WASHC2A: variants seen among roughly 807,000 people sequenced by gnomAD.
WASHC2A encodes the protein WASH complex subunit 2A, also known as WASH complex subunit FAM21A.
Under a neutral mutation model 140.3 loss-of-function variants are expected in WASHC2A, and 82 were observed. The ratio of observed to expected loss-of-function variants is 0.58; its 90% CI spans 0.49 to 0.70. The LOEUF (loss-of-function observed/expected upper bound fraction) is 0.70. WASHC2A is among the 30% of genes least tolerant of loss of function. The pLI, the probability that WASHC2A is intolerant of heterozygous loss-of-function variation, is 0.00. For missense variants in WASHC2A, 985 were observed against 1,521.8 expected, an observed-to-expected ratio of 0.65 and a Z score of 5.87; for synonymous variants, 340 against 560.8, an observed-to-expected ratio of 0.61 and a Z score of 5.56.
Position 50,095,683 on chromosome 10 carries a change from C to G in WASHC2A, c.1325C>G (p.Pro442Arg). 3 of 1,611,570 alleles carry G rather than the reference C, an allele frequency of 1.9e-6. No homozygotes were observed. Among genetic ancestry groups the G allele is most frequent in the Non-Finnish European group, 1.7e-6 (2 of 1,179,744 alleles). Residue 442 changes from proline to arginine, a missense_variant, in exon 15 of 31, where the codon CCC becomes CGC. Physicochemically the swap from Pro to Arg is moderately radical, Grantham distance 103 (BLOSUM62 -2). Transcript: ENST00000282633. ...GAGCAGCCCACTCCAAGGAAAAGCC[C>G]CTATGGTCCCCCTCCCACTGGCCTC... ...KPEQPTPRKS[P>R]YGPPPTGLFD...
In WASHC2A at chr10:50,104,726, A is replaced by G. The variant is rs1461870863; in HGVS notation, c.1737+583A>G. Among the ~76,000 whole-genome samples, 7 of 151,434 alleles carry G rather than the reference A, an allele frequency of 4.6e-5. No homozygotes were observed. In the East Asian group the frequency reaches 7.7e-4, roughly 17 times the overall value. Reference sequence around the variant, plus strand: ...TAGAAATCTGCCTTTGAGAAATACAATTGACCCTTTAACAGTGTGGAGGTT... The same window carrying G: ...TAGAAATCTGCCTTTGAGAAATACAGTTGACCCTTTAACAGTGTGGAGGTT... On this transcript the variant is annotated intron_variant, in intron 18 of 30. Coordinates refer to ENST00000282633, the MANE Select transcript of WASHC2A (RefSeq NM_001005751.3).
At chr10:50,090,032 C>G (rs1839735895) in intron 8 of WASHC2A, among the ~76,000 whole-genome samples, 2 of 150,580 alleles carry the variant, frequency 1.3e-5, no homozygotes, top group South Asian at 4.2e-4. Context: ...ATGGCTTGAA[C>G]CTAGGAGGCG....
chr10:50,071,504 A>G (rs1307336156), intron 3 of WASHC2A, among the ~76,000 whole-genome samples: 9 of 152,006 alleles, frequency 5.9e-5, no homozygotes, highest in African/African-American at 2.2e-4. Flanking sequence ...ACGGGGTTTC[A>G]CCGAGTTAGC....
rs782635415 is a variant in WASHC2A at position 50,126,115 on chromosome 10, A to G, written c.2747A>G (p.Gln916Arg). The change falls in exon 26 of 31, where the codon CAG becomes CGG. Residue 916 changes from glutamine (Q) to arginine (R), a missense_variant. Transcript: ENST00000282633. ...KDHSVDSFKN[Q>R]KHPESIQGSK... Reference sequence around the variant, plus strand: ...CACTCTGTTGACTCTTTCAAAAACCAGAAACATCCTGAATCCATTCAAGGT... The same window carrying G: ...CACTCTGTTGACTCTTTCAAAAACCGGAAACATCCTGAATCCATTCAAGGT... 1.2e-6 allele frequency: 2 copies of G among 1,613,960 alleles called. No individual in the cohort carries two copies. Among genetic ancestry groups the G allele is most frequent in the South Asian group, 2.2e-5 (2 of 91,070 alleles).
intron 3 of WASHC2A, chr10:50,077,984 T>G: frequency 2.4e-6 from 1 of 416,482 alleles, no homozygotes; most frequent in African/African-American, 2.3e-5. Context: ...ATATTGACTT[T>G]TTATAACAAG....
At chr10:50,120,370 C>T (rs1479665470) in intron 23 of WASHC2A, among the ~76,000 whole-genome samples, 49 of 145,284 alleles carry the variant, frequency 3.4e-4, no homozygotes, top group Admixed American at 3.2e-3. Context: ...ACCTGTAATC[C>T]CAGCACTTTA....
intron 19 of WASHC2A, 86 bp downstream of exon 19, chr10:50,106,551 T>A: frequency 6.4e-7 from 1 of 1,560,062 alleles, no homozygotes; most frequent in Non-Finnish European, 8.7e-7. Context: ...TCTACCTGTT[T>A]TATATCTCGT....
intron 7 of WASHC2A, among the ~76,000 whole-genome samples, chr10:50,085,972 C>T (rs1249801297): frequency 4.8e-4 from 72 of 149,942 alleles, no homozygotes; most frequent in African/African-American, 1.5e-3. Flanking sequence ...CAGGATATAC[C>T]GAAAGCCACC....
chr10:50,102,404 C>T (rs1359524646), intron 17 of WASHC2A, among the ~76,000 whole-genome samples: 4 of 151,974 alleles, frequency 2.6e-5, no homozygotes, highest in African/African-American at 9.7e-5. Context: ...AGTTAAGGGT[C>T]CGAAACTGTG....
rs1214316076 is a variant in WASHC2A at position 50,095,129 on chromosome 10, C to T, written c.1181-19C>T. 89 of 1,553,012 alleles carry T rather than the reference C, an allele frequency of 5.7e-5. 1 individual carries two copies. The highest frequency in any genetic ancestry group is 6.8e-5 in the Non-Finnish European group (78 of 1,140,150). ...TTATTTCCCTTGTAAAATGGTTACC[C>T]CTTGCTTTCTCATTCTAGAGTCTTC... On this transcript the variant is annotated intron_variant, in intron 13 of 30. Coordinates refer to ENST00000282633, the MANE Select transcript of WASHC2A (RefSeq NM_001005751.3).
chr10:50,124,868 G>GAATA (rs1843292556), intron 23 of WASHC2A, among the ~76,000 whole-genome samples: 1 of 133,722 alleles, frequency 7.5e-6, no homozygotes. Context: ...TAAAGCTTGT[G>GAATA]CATATATATA....
intron 20 of WASHC2A, 72 bp downstream of exon 20, chr10:50,110,342 C>G: frequency 6.3e-7 from 1 of 1,596,734 alleles, no homozygotes; most frequent in Non-Finnish European, 8.6e-7. Flanking sequence ...GATGCACAAT[C>G]TAGTTCATCG....
intron 5 of WASHC2A, among the ~76,000 whole-genome samples, chr10:50,082,546 C>T (rs1477339993): frequency 5.4e-5 from 8 of 148,226 alleles, no homozygotes; most frequent in Non-Finnish European, 7.4e-5. Flanking sequence ...GGCGCAATCT[C>T]GGCTCACTGC....
intron 3 of WASHC2A, among the ~76,000 whole-genome samples, chr10:50,075,923 TA>T (rs1838270591): frequency 1.3e-5 from 2 of 151,836 alleles, no homozygotes; most frequent in African/African-American, 4.8e-5. Flanking sequence ...CTTATTTATT[TA>T]TTTTTTTGAA....
At chr10:50,110,320 G>A in intron 20 of WASHC2A, 50 bp downstream of exon 20, 1 of 1,606,378 alleles carries the variant, frequency 6.2e-7, no homozygotes, top group Non-Finnish European at 8.5e-7. Flanking sequence ...GTGGTAACAA[G>A]AAAAGGAATC....
intron 8 of WASHC2A, among the ~76,000 whole-genome samples, chr10:50,088,022 T>C (rs1311550658): frequency 6.6e-6 from 1 of 151,944 alleles, no homozygotes; most frequent in African/African-American, 2.4e-5. Context: ...TTTCACCATG[T>C]TGGCCAGGCT....
At chr10:50,111,299 T>C (rs1554890355) in intron 20 of WASHC2A, among the ~76,000 whole-genome samples, 1 of 142,716 alleles carries the variant, frequency 7.0e-6, no homozygotes, top group East Asian at 1.9e-4. Flanking sequence ...GGTTTCTGTC[T>C]CCAAATACTC....
intron 8 of WASHC2A, 108 bp downstream of exon 8, chr10:50,087,430 T>C (rs1839484059): frequency 1.5e-6 from 2 of 1,376,596 alleles, no homozygotes; most frequent in Non-Finnish European, 2.0e-6. Flanking sequence ...GATTTTTTCT[T>C]GTATACAATT....
chr10:50,114,530 C>CAA (rs1212563688), intron 21 of WASHC2A, among the ~76,000 whole-genome samples: 36 of 109,980 alleles, frequency 3.3e-4, no homozygotes, highest in Admixed American at 7.5e-4. Context: ...TACTGCAGGC[C>CAA]AAAAAAAAAA....
Sources: allele counts gnomAD v4.1 joint callset (sites outside exome capture counted in the v4.1 genomes callset), GRCh38; gene constraint gnomAD v4.1.1; transcripts MANE v1.5; gene names NCBI Gene and HGNC (gene_info 2026-07-23, HGNC 2026-07-21).